The following FRMD5 variants were observed in gnomAD, a reference collection of about 807,000 sequenced individuals.
The protein encoded by FRMD5 is FERM domain containing 5, also known as FERM domain-containing protein 5.
Under a neutral mutation model 69.0 loss-of-function variants are expected in FRMD5, and 20 were observed. The ratio of observed to expected loss-of-function variants is 0.29; its 90% confidence interval spans 0.20 to 0.42. The LOEUF (loss-of-function observed/expected upper bound fraction) is 0.42, where lower values mean the gene tolerates loss of function less well. Among genes scored for constraint, FRMD5 ranks in the 10% least tolerant of loss-of-function variants. The pLI, the probability that FRMD5 is intolerant of heterozygous loss-of-function variation, is 1.00. For synonymous variants in FRMD5, 271 were observed against 260.1 expected (o/e 1.04, Z -0.40); for missense variants, 595 against 708.6 (o/e 0.84, Z 1.82).
At chr15:43,907,163 C>T (rs1448777626) in intron 5 of FRMD5, among the ~76,000 whole-genome samples, 1 of 152,078 alleles carries the variant, frequency 6.6e-6, no homozygotes, top group Non-Finnish European at 1.5e-5. Context: ...TTTTTCCTTC[C>T]CAGGTGAGAG....
intron 1 of FRMD5, among the ~76,000 whole-genome samples, chr15:44,005,813 C>T (rs1184722534): frequency 6.6e-6 from 1 of 152,148 alleles, no homozygotes; most frequent in South Asian, 2.1e-4. Flanking sequence ...CCCACCAGGC[C>T]CTACCTCCAG....
At chr15:44,137,127 C>T (rs533842430) in intron 1 of FRMD5, among the ~76,000 whole-genome samples, 9 of 152,260 alleles carry the variant, frequency 5.9e-5, no homozygotes, top group African/African-American at 2.2e-4. Context: ...GAATGTAACT[C>T]AGAATCCACA....
chr15:43,934,478 G>A (rs567843324), intron 1 of FRMD5, among the ~76,000 whole-genome samples: 44 of 152,148 alleles, frequency 2.9e-4, no homozygotes, highest in African/African-American at 8.9e-4. Context: ...AAGGATAATC[G>A]GGTAGCTTTA....
chr15:44,019,140 C>A (rs1891098158), intron 1 of FRMD5, among the ~76,000 whole-genome samples: 1 of 152,132 alleles, frequency 6.6e-6, no homozygotes, highest in Admixed American at 6.6e-5. Flanking sequence ...GTGATCCACC[C>A]ACTTCGGCCT....
chr15:44,074,444 G>GA (rs1215483395), intron 1 of FRMD5, among the ~76,000 whole-genome samples: 7 of 151,192 alleles, frequency 4.6e-5, no homozygotes, highest in Non-Finnish European at 1.0e-4. Context: ...ATGAGAAACA[G>GA]AAATAATTAA....
intron 1 of FRMD5, among the ~76,000 whole-genome samples, chr15:44,062,553 T>C (rs751878773): frequency 3.9e-5 from 6 of 151,908 alleles, no homozygotes; most frequent in Non-Finnish European, 8.8e-5. Context: ...TAGCCAGGCA[T>C]GGTGGTGGGT....
chr15:44,083,584 G>C (rs1420063332), intron 1 of FRMD5, among the ~76,000 whole-genome samples: 4 of 151,868 alleles, frequency 2.6e-5, no homozygotes, highest in Non-Finnish European at 5.9e-5. Context: ...CATTGTTCTT[G>C]AATGTCTTAC....
intron 1 of FRMD5, among the ~76,000 whole-genome samples, chr15:44,150,633 T>C (rs2077429286): frequency 6.6e-6 from 1 of 151,596 alleles, no homozygotes; most frequent in Non-Finnish European, 1.5e-5. Flanking sequence ...TTCTTTTTTT[T>C]TTTTTTTTCA....
At chr15:43,997,549 T>C (rs558613359) in intron 1 of FRMD5, among the ~76,000 whole-genome samples, 6 of 152,314 alleles carry the variant, frequency 3.9e-5, no homozygotes, top group African/African-American at 9.6e-5. Flanking sequence ...TCTGTCTCCA[T>C]AGGAGAAACT....
intron 1 of FRMD5, among the ~76,000 whole-genome samples, chr15:43,994,510 A>C (rs950641249): frequency 6.6e-6 from 1 of 152,182 alleles, no homozygotes; most frequent in African/African-American, 2.4e-5. Flanking sequence ...TCAATGGTGC[A>C]ATACTGGCCT....
intron 1 of FRMD5, among the ~76,000 whole-genome samples, chr15:44,108,965 A>AAAAATAAAAATAAAAT: frequency 7.3e-6 from 1 of 136,884 alleles, no homozygotes; most frequent in African/African-American, 2.8e-5. Context: ...CTCTCTAAAT[A>AAAAATAAAAATAAAAT]AAAATAAAAT....
At chr15:44,044,051 T>G (rs570702249) in intron 1 of FRMD5, among the ~76,000 whole-genome samples, 1 of 152,016 alleles carries the variant, frequency 6.6e-6, no homozygotes, top group South Asian at 2.1e-4. Context: ...ATATCCAGAA[T>G]CTACAAAGAA....
chr15:44,155,899 C>T (rs1489936240), intron 1 of FRMD5, among the ~76,000 whole-genome samples: 2 of 151,662 alleles, frequency 1.3e-5, no homozygotes, highest in Admixed American at 6.6e-5. Context: ...CTGGCTCCTC[C>T]CCAAACATAT....
At chr15:43,995,679 G>A (rs1323860417) in intron 1 of FRMD5, among the ~76,000 whole-genome samples, 1 of 151,718 alleles carries the variant, frequency 6.6e-6, no homozygotes, top group African/African-American at 2.4e-5. Flanking sequence ...GGATCTGTAG[G>A]GGCTGGTCTG....
At chr15:43,951,979 GTTGTGTGTGTGTGTGTGTGTC>G (rs1369460238) in intron 1 of FRMD5, among the ~76,000 whole-genome samples, 1 of 145,918 alleles carries the variant, frequency 6.9e-6, no homozygotes, top group Non-Finnish European at 1.5e-5. Context: ...GTGTGTGTGT[GTTGTGTGTGTGTGTGTGTGTC>G]TGTGTGTGTG....
At chr15:43,897,487 CAAAAAAAAAAAA>C (rs34243475) in intron 7 of FRMD5, among the ~76,000 whole-genome samples, 3 of 16,136 alleles carry the variant, frequency 1.9e-4, no homozygotes, top group East Asian at 2.5e-3. Context: ...CACTCCATCT[CAAAAAAAAAAAA>C]AAAAAAAAAA....
chr15:43,949,894 C>T (rs2090000308), intron 1 of FRMD5, among the ~76,000 whole-genome samples: 1 of 150,812 alleles, frequency 6.6e-6, no homozygotes, highest in Non-Finnish European at 1.5e-5. Context: ...GTTCTGCTAA[C>T]TTAAAAAAAA....
intron 1 of FRMD5, among the ~76,000 whole-genome samples, chr15:44,058,663 G>A (rs1323245460): frequency 6.6e-6 from 1 of 151,878 alleles, no homozygotes; most frequent in Non-Finnish European, 1.5e-5. Flanking sequence ...GCGGGTGCCT[G>A]TAGTCCCAGC....
intron 1 of FRMD5, among the ~76,000 whole-genome samples, chr15:44,174,938 A>G (rs994982016): frequency 6.6e-6 from 1 of 152,280 alleles, no homozygotes; most frequent in East Asian, 1.9e-4. Flanking sequence ...GAGCATTAGA[A>G]CAAATAACTA....
Sources: gnomAD v4.1 joint callset for allele counts (sites outside exome capture counted in the v4.1 genomes callset) on GRCh38, gnomAD v4.1.1 for gene constraint, MANE v1.5 for transcripts, NCBI Gene and HGNC (gene_info 2026-07-23, HGNC 2026-07-21) for gene names.